PLXNA2: variants seen among roughly 807,000 people sequenced by gnomAD.
PLXNA2 encodes plexin A2, also known as plexin-A2.
PLXNA2 carries 91 observed loss-of-function variants against 193.5 expected under a neutral mutation model. The observed-to-expected ratio is 0.47, with a 90% CI of 0.40 to 0.56. PLXNA2 has a LOEUF of 0.56. PLXNA2 is among the 20% of genes least tolerant of loss of function. The probability of loss-of-function intolerance (pLI) is 0.00; values close to 1 mark genes in which losing one functional copy is unlikely to be tolerated. For synonymous variants in PLXNA2, 997 were observed against 1,027.3 expected (o/e 0.97, Z 0.56); for missense variants, 1,995 against 2,503.2 (o/e 0.80, Z 4.33).
At chr1:208,031,306 G>C in intron 29 of PLXNA2, 1 of 1,261,668 alleles carries the variant, frequency 7.9e-7, no homozygotes, top group Non-Finnish European at 1.0e-6. Context: ...CAGAGCCAGG[G>C]GAGGAGGCTC....
intron 4 of PLXNA2, among the ~76,000 whole-genome samples, chr1:208,111,612 C>A (rs1454185065): frequency 6.6e-6 from 1 of 152,174 alleles, no homozygotes; most frequent in Non-Finnish European, 1.5e-5. Context: ...ATATCTGTCC[C>A]ACCTATCTCT....
intron 1 of PLXNA2, among the ~76,000 whole-genome samples, chr1:208,227,967 A>C (rs1372239143): frequency 6.6e-6 from 1 of 152,186 alleles, no homozygotes; most frequent in Non-Finnish European, 1.5e-5. Context: ...CACTGCTCTA[A>C]TTTATACTAC....
chr1:208,196,362 T>C (rs1670359752), intron 3 of PLXNA2, among the ~76,000 whole-genome samples: 1 of 152,208 alleles, frequency 6.6e-6, no homozygotes, highest in Non-Finnish European at 1.5e-5. Flanking sequence ...AAAAAAACCA[T>C]GTTCTCTGCT....
At chr1:208,135,292 A>C (rs1247066823) in intron 4 of PLXNA2, among the ~76,000 whole-genome samples, 2 of 152,156 alleles carry the variant, frequency 1.3e-5, no homozygotes, top group African/African-American at 4.8e-5. Flanking sequence ...ATTACGTTAA[A>C]CAGATGTGGT....
intron 1 of PLXNA2, among the ~76,000 whole-genome samples, chr1:208,238,371 T>C (rs1671936403): frequency 6.6e-6 from 1 of 152,224 alleles, no homozygotes; most frequent in Non-Finnish European, 1.5e-5. Flanking sequence ...GATACATTTA[T>C]CTTGTTTTTC....
At chr1:208,181,374 G>A (rs965941926) in intron 3 of PLXNA2, among the ~76,000 whole-genome samples, 37 of 152,336 alleles carry the variant, frequency 2.4e-4, no homozygotes, top group African/African-American at 8.2e-4. Context: ...GTGCAGCCTA[G>A]TTCCCCAGAG....
At chr1:208,029,766 G>A in intron 29 of PLXNA2, 1 of 985,618 alleles carries the variant, frequency 1.0e-6, no homozygotes, top group Non-Finnish European at 1.2e-6. Context: ...TTTATAACCA[G>A]AGGAGAATGA....
chr1:208,114,554 T>C (rs938968569), intron 4 of PLXNA2, among the ~76,000 whole-genome samples: 4 of 152,336 alleles, frequency 2.6e-5, no homozygotes, highest in East Asian at 1.9e-4. Flanking sequence ...TGACTCTGAG[T>C]AGGTAAGAAG....
intron 5 of PLXNA2, among the ~76,000 whole-genome samples, chr1:208,101,461 G>A (rs1004697182): frequency 3.3e-5 from 5 of 152,164 alleles, no homozygotes; most frequent in African/African-American, 7.2e-5. Context: ...TGTTCTCCGC[G>A]AGCTCTTGGG....
chr1:208,044,403 G>A lies in PLXNA2; in HGVS notation c.3874+105C>T. 2.6e-6 allele frequency: 2 copies of A among 784,260 alleles called. No homozygotes were observed. The highest frequency in any genetic ancestry group is 4.3e-6 in the Non-Finnish European group (2 of 467,530). 48.6% of individuals were successfully genotyped at this position (784,260 alleles called of 1,614,324 possible). A position where few individuals can be genotyped will look rare whatever the true frequency, so the allele number is the denominator to read the frequency against. ...GGGTGAAAGTGGAATGCAGAGGCAT[G>A]GCTGGCAGCGATGGGAGTAAAGATA... On this transcript the variant is annotated intron_variant, in intron 20 of 31. Transcript: ENST00000367033. The surrounding 1 kb of genome is among the most constrained non-coding windows in gnomAD (Gnocchi z 4.9).
intron 1 of PLXNA2, among the ~76,000 whole-genome samples, chr1:208,231,337 C>T (rs937533582): frequency 6.6e-6 from 1 of 151,814 alleles, no homozygotes; most frequent in Non-Finnish European, 1.5e-5. Flanking sequence ...CCAGGAGGGA[C>T]CCAGGAGGGA....
rs1432739810 is a variant in PLXNA2, at chr1:208,096,022, C to T, written c.1982+7G>A. 3 of 1,604,858 alleles carry T rather than the reference C, an allele frequency of 1.9e-6. No homozygotes were observed. Among genetic ancestry groups the T allele is most frequent in the Non-Finnish European group, 1.7e-6 (2 of 1,171,720 alleles). Reference sequence around the variant, plus strand: ...CCAGAGCAAGACCCTTTCTAATAAGCACTTACAGTTGGTGGGCACTGCAGT... The same window carrying T: ...CCAGAGCAAGACCCTTTCTAATAAGTACTTACAGTTGGTGGGCACTGCAGT... On this transcript the variant is annotated splice_region_variant and intron_variant, in intron 8 of 31. Transcript: ENST00000367033.
At chr1:208,190,744 A>G (rs1670153181) in intron 3 of PLXNA2, among the ~76,000 whole-genome samples, 1 of 152,248 alleles carries the variant, frequency 6.6e-6, no homozygotes, top group South Asian at 2.1e-4. Context: ...CACTAGCTTG[A>G]TGTAATTAAT....
Position 208,027,305 on chromosome 1 carries a change from G to T in PLXNA2, c.5623C>A (p.Arg1875=), listed in dbSNP as rs745991350. 5 of 1,613,462 alleles carry T rather than the reference G, an allele frequency of 3.1e-6. No individual in the cohort carries two copies. The South Asian group carries it at 5.5e-5, about 18-fold the overall frequency. Residue 1875 remains arginine (R), a synonymous_variant, in exon 32 of 32, where the codon CGG becomes AGG. Coordinates refer to ENST00000367033, the MANE Select transcript of PLXNA2 (RefSeq NM_025179.4). The part of the protein sequence containing the change: ...IGALEQDEQA[R]RQRLAYKVEQ... ...ACCTTATAAGCCAGCCGCTGCCGCC[G>T]TGCCTGCTCATCCTGCTCTAGGGCC...
At chr1:208,151,995 A>G (rs1414827403) in intron 3 of PLXNA2, among the ~76,000 whole-genome samples, 2 of 152,246 alleles carry the variant, frequency 1.3e-5, no homozygotes, top group African/African-American at 2.4e-5. Flanking sequence ...GTGACAAAGA[A>G]GGCCACCTGC....
chr1:208,161,502 C>T (rs1669103145), intron 3 of PLXNA2, among the ~76,000 whole-genome samples: 1 of 152,122 alleles, frequency 6.6e-6, no homozygotes, highest in Admixed American at 6.5e-5. Context: ...AAAAACAGTC[C>T]TGAAATGTGC....
chr1:208,165,687 G>A (rs992651951), intron 3 of PLXNA2, among the ~76,000 whole-genome samples: 9 of 152,138 alleles, frequency 5.9e-5, no homozygotes, highest in African/African-American at 1.9e-4. Flanking sequence ...AGCTGGTCTT[G>A]GGGTCCCTGG....
chr1:208,187,289 C>G (rs1670039463), intron 3 of PLXNA2, among the ~76,000 whole-genome samples: 1 of 152,124 alleles, frequency 6.6e-6, no homozygotes, highest in Non-Finnish European at 1.5e-5. Context: ...TGCAATTATT[C>G]CACATCTGGA....
At chr1:208,092,705 C>G (rs1666755502) in intron 9 of PLXNA2, 81 bp downstream of exon 9, 2 of 951,828 alleles carry the variant, frequency 2.1e-6, no homozygotes, top group Non-Finnish European at 1.6e-6. Context: ...AATGGCCAAG[C>G]CATTGGACTG....
Sources: allele counts gnomAD v4.1 joint callset (sites outside exome capture counted in the v4.1 genomes callset), GRCh38; gene constraint gnomAD v4.1.1; non-coding constraint Gnocchi (gnomAD v3.1); transcripts MANE v1.5; gene names NCBI Gene and HGNC (gene_info 2026-07-23, HGNC 2026-07-21).